Variants in SNED1 observed in about 807,000 individuals in gnomAD.
The protein encoded by SNED1 is sushi, nidogen and EGF-like domain-containing protein 1.
In SNED1, 81 loss-of-function variants were observed where a neutral mutation model predicts 166.7. That is an observed-to-expected ratio of 0.49 (90% CI 0.41 to 0.58). SNED1 has a LOEUF of 0.58. Among genes scored for constraint, SNED1 ranks in the 20% least tolerant of loss-of-function variants. The pLI is 0.00. For missense variants in SNED1, 1,604 were observed against 2,000.2 expected (o/e 0.80, Z 3.78); for synonymous variants, 762 against 822.0 (o/e 0.93, Z 1.25).
Position 241,064,661 on chromosome 2 carries a change from T to TGCTG in SNED1, c.2600-181_2600-178dup, listed in dbSNP as rs917578774. On this transcript the variant is annotated intron_variant, in intron 19 of 31. Coordinates refer to ENST00000310397, the MANE Select transcript of SNED1 (RefSeq NM_001080437.3). The surrounding 1 kb of genome is among the most constrained non-coding windows in gnomAD (Gnocchi z 7.0). Reference sequence around the variant, plus strand: ...ACTCCGCTGTGGAGGGTGGAGGAGCTGCTGGGTTGGGCCCCGCAGGGCAGT... The same window carrying TGCTG: ...ACTCCGCTGTGGAGGGTGGAGGAGCTGCTGGCTGGGTTGGGCCCCGCAGGGCAGT... 2.0e-5 allele frequency among the ~76,000 whole-genome samples: 3 copies of TGCTG among 152,254 alleles called. No individual in the cohort carries two copies. Among genetic ancestry groups the TGCTG allele is most frequent in the African/African-American group, 7.2e-5 (3 of 41,552 alleles).
At chr2:241,009,915 C>T (rs2060337681) in intron 1 of SNED1, 1 of 152,266 alleles carries the variant, frequency 6.6e-6, no homozygotes, top group Admixed American at 6.5e-5. Flanking sequence ...CGTGAGGCCG[C>T]TCAGCAGGAG....
intron 24 of SNED1, among the ~76,000 whole-genome samples, chr2:241,071,219 CTG>C (rs2125239306): frequency 6.6e-6 from 1 of 152,314 alleles, no homozygotes; most frequent in South Asian, 2.1e-4. Flanking sequence ...GGGAGAAGCA[CTG>C]TGTCTCCAGG....
At chr2:241,000,509 G>T (rs749397205) in intron 1 of SNED1, among the ~76,000 whole-genome samples, 1 of 152,216 alleles carries the variant, frequency 6.6e-6, no homozygotes, top group African/African-American at 2.4e-5. Flanking sequence ...TCCACTTGAG[G>T]TATGGGACAC....
intron 1 of SNED1, among the ~76,000 whole-genome samples, chr2:241,012,043 C>T (rs2060424754): frequency 6.6e-6 from 1 of 152,224 alleles, no homozygotes; most frequent in African/African-American, 2.4e-5. Flanking sequence ...CGCACACCTG[C>T]AAGCTAGGCT....
chr2:241,055,372 T>C (rs2062012696), intron 16 of SNED1, among the ~76,000 whole-genome samples: 1 of 152,160 alleles, frequency 6.6e-6, no homozygotes, highest in Non-Finnish European at 1.5e-5. Flanking sequence ...AGTTTTAACT[T>C]CCAGAGGGAA....
At chr2:241,084,043 T>G (rs2063459534) in intron 29 of SNED1, among the ~76,000 whole-genome samples, 1 of 152,098 alleles carries the variant, frequency 6.6e-6, no homozygotes, top group African/African-American at 2.4e-5. Flanking sequence ...TGTTTAGAGG[T>G]TGCTCTGGGA....
intron 16 of SNED1, among the ~76,000 whole-genome samples, chr2:241,058,106 A>C (rs1559277024): frequency 6.6e-6 from 1 of 152,222 alleles, no homozygotes; most frequent in Non-Finnish European, 1.5e-5. Flanking sequence ...GAAAGGAAAA[A>C]AATAGGTGTA....
At chr2:241,066,608 C>T (rs894761153) in intron 21 of SNED1, among the ~76,000 whole-genome samples, 7 of 141,102 alleles carry the variant, frequency 5.0e-5, no homozygotes, top group South Asian at 2.3e-4. Context: ...AGAGCACAGA[C>T]TGCTGCGAAG....
chr2:240,998,159 C>G (rs2059968920), upstream of SNED1, among the ~76,000 whole-genome samples: 1 of 152,254 alleles, frequency 6.6e-6, no homozygotes, highest in Non-Finnish European at 1.5e-5. Context: ...CGGGCTCTTC[C>G]TCACACAGAC....
At chr2:241,008,405 G>A (rs905524219) in intron 1 of SNED1, among the ~76,000 whole-genome samples, 1 of 152,208 alleles carries the variant, frequency 6.6e-6, no homozygotes, top group East Asian at 1.9e-4. Context: ...GCCCCCACAG[G>A]GTCCCACCTG....
intron 15 of SNED1, among the ~76,000 whole-genome samples, chr2:241,052,741 TGAGAGGG>T (rs1461027375): frequency 1.5e-4 from 2 of 13,646 alleles, no homozygotes; most frequent in African/African-American, 2.4e-4. Flanking sequence ...GCCAGGCAGG[TGAGAGGG>T]CCGGGGGGCC....
intron 16 of SNED1, among the ~76,000 whole-genome samples, chr2:241,059,162 A>G (rs2062156255): frequency 1.3e-5 from 2 of 152,236 alleles, no homozygotes; most frequent in South Asian, 4.1e-4. Flanking sequence ...GGGGAAATGG[A>G]TACCCTGAAA....
chr2:241,074,461 C>T (rs565474441), intron 27 of SNED1: 1 of 152,222 alleles, frequency 6.6e-6, no homozygotes, highest in South Asian at 2.1e-4. Context: ...ACAAACATTT[C>T]ATCAGATGAT....
At chr2:241,052,687 CGGCGGG>C (rs1157544751) in intron 15 of SNED1, among the ~76,000 whole-genome samples, 1 of 1,700 alleles carries the variant, frequency 5.9e-4, no homozygotes, top group African/African-American at 2.0e-3. Flanking sequence ...GTGAGAGGGT[CGGCGGG>C]GGGGGGGGGG....
At chr2:241,083,620 G>C (rs542914522) in intron 29 of SNED1, among the ~76,000 whole-genome samples, 11 of 152,192 alleles carry the variant, frequency 7.2e-5, no homozygotes, top group Non-Finnish European at 1.2e-4. Flanking sequence ...TATGCAGTGA[G>C]AGTCCGAATC....
intron 26 of SNED1, 44 bp downstream of exon 26, chr2:241,071,922 G>A (rs374257614): frequency 3.3e-5 from 47 of 1,444,070 alleles, no homozygotes; most frequent in African/African-American, 1.7e-4. Context: ...GCCCACCCTC[G>A]TCCTCACTGC....
At chr2:241,090,876 A>G (rs1361134975) in intron 31 of SNED1, among the ~76,000 whole-genome samples, 1 of 150,390 alleles carries the variant, frequency 6.6e-6, no homozygotes, top group Non-Finnish European at 1.5e-5. Flanking sequence ...CTCAAAAAAA[A>G]AAAAAAAAGA....
chr2:241,013,929 G>C lies in SNED1; in HGVS notation c.213+14879G>C, dbSNP rs967165698. ...CATTTCATTGGGTATATACTCAGAA[G>C]TGGGATTGCTAGGCCATATGTCAGT... On this transcript the variant is annotated intron_variant, in intron 1 of 31. Transcript: ENST00000310397. This position sits in a 1 kb window ranked among gnomAD's most constrained non-coding sequence, Gnocchi z 4.6. 7.2e-5 allele frequency among the ~76,000 whole-genome samples: 11 copies of C among 152,134 alleles called. No homozygotes were observed. The highest frequency in any genetic ancestry group is 2.2e-4 in the African/African-American group (9 of 41,420).
intron 27 of SNED1, among the ~76,000 whole-genome samples, chr2:241,076,980 G>A (rs1411330987): frequency 1.3e-5 from 2 of 152,106 alleles, no homozygotes; most frequent in African/African-American, 4.8e-5. Flanking sequence ...TCCGGAGGCT[G>A]AGGCAGGAGA....
Sources: allele counts gnomAD v4.1 joint callset (sites outside exome capture counted in the v4.1 genomes callset), GRCh38; gene constraint gnomAD v4.1.1; non-coding constraint Gnocchi (gnomAD v3.1); transcripts MANE v1.5; gene names NCBI Gene and HGNC (gene_info 2026-07-23, HGNC 2026-07-21).